The following CREB5 variants were observed in gnomAD, a reference collection of about 807,000 sequenced individuals.
The protein encoded by CREB5 is cyclic AMP-responsive element-binding protein 5.
CREB5 carries 19 observed loss-of-function variants against 57.1 expected under a neutral mutation model. The observed-to-expected ratio is 0.33, with a 90% CI of 0.23 to 0.49. CREB5 has a LOEUF of 0.49. CREB5 is among the 20% of genes least tolerant of loss of function. The pLI is 0.99. For missense variants in CREB5, 579 were observed against 671.6 expected (o/e 0.86, Z 1.52); for synonymous variants, 238 against 238.3 (o/e 1.00, Z 0.01).
intron 5 of CREB5, among the ~76,000 whole-genome samples, chr7:28,612,182 T>C (rs1290769776): frequency 6.6e-6 from 1 of 152,154 alleles, no homozygotes; most frequent in Non-Finnish European, 1.5e-5. Context: ...CCTAGCTTCA[T>C]GCTGACTCAC....
chr7:28,750,848 A>G (rs1219172372), intron 7 of CREB5, among the ~76,000 whole-genome samples: 4 of 152,166 alleles, frequency 2.6e-5, no homozygotes, highest in Non-Finnish European at 4.4e-5. Flanking sequence ...ATGAAATCTA[A>G]TATTTTTGGA....
At chr7:28,725,763 G>A (rs1803305475) in intron 7 of CREB5, among the ~76,000 whole-genome samples, 1 of 151,992 alleles carries the variant, frequency 6.6e-6, no homozygotes, top group South Asian at 2.1e-4. Flanking sequence ...TAAATACTCA[G>A]GGTCTGTGTC....
intron 1 of CREB5, among the ~76,000 whole-genome samples, chr7:28,308,646 C>T (rs888462793): frequency 6.6e-6 from 1 of 152,164 alleles, no homozygotes. Flanking sequence ...AAAAAGCTGC[C>T]TGTCTTATGC....
intron 4 of CREB5, among the ~76,000 whole-genome samples, chr7:28,539,739 C>T (rs1794127332): frequency 6.6e-6 from 1 of 152,196 alleles, no homozygotes; most frequent in South Asian, 2.1e-4. Flanking sequence ...GGCACAGTCC[C>T]TGAGGGCTGA....
intron 5 of CREB5, among the ~76,000 whole-genome samples, chr7:28,695,868 A>G (rs1801532374): frequency 6.6e-6 from 1 of 152,162 alleles, no homozygotes; most frequent in Non-Finnish European, 1.5e-5. Context: ...AAACAGCCCC[A>G]CTTTGCACTT....
chr7:28,604,856 T>C (rs1797050556), intron 5 of CREB5, among the ~76,000 whole-genome samples: 1 of 152,056 alleles, frequency 6.6e-6, no homozygotes, highest in Non-Finnish European at 1.5e-5. Context: ...TTAAACTAAG[T>C]TTTTCCTTTG....
intron 4 of CREB5, among the ~76,000 whole-genome samples, chr7:28,516,223 AAAAGT>A (rs1202554536): frequency 6.6e-6 from 1 of 152,002 alleles, no homozygotes; most frequent in Non-Finnish European, 1.5e-5. Flanking sequence ...TTTTTAAAAA[AAAAGT>A]AAAGAAAACA....
intron 1 of CREB5, among the ~76,000 whole-genome samples, chr7:28,316,118 A>G (rs534604940): frequency 6.6e-6 from 1 of 152,318 alleles, no homozygotes; most frequent in East Asian, 1.9e-4. Context: ...GGCGGGTGGG[A>G]TGCCATTGCG....
chr7:28,751,296 A>G (rs779405499), intron 7 of CREB5, among the ~76,000 whole-genome samples: 40 of 152,190 alleles, frequency 2.6e-4, no homozygotes, highest in Non-Finnish European at 3.8e-4. Context: ...AGAAGGCCAC[A>G]GCTCTGCTGG....
rs553853328 is a variant in CREB5 at position 28,423,059 on chromosome 7, T to C, written c.3+10142T>C. ...CTAAAGTAAGTGCCAGACATATAAC[T>C]GGAATTCAGGTATCCTTCCCTCCCT... On this transcript the variant is annotated intron_variant, in intron 1 of 10. Transcript: ENST00000357727. 1.4e-4 allele frequency among the ~76,000 whole-genome samples: 21 copies of C among 152,300 alleles called. No individual in the cohort carries two copies. In the South Asian group the frequency reaches 4.4e-3, roughly 32 times the overall value.
At chr7:28,637,787 T>C (rs539636953) in intron 5 of CREB5, among the ~76,000 whole-genome samples, 5 of 152,378 alleles carry the variant, frequency 3.3e-5, no homozygotes, top group African/African-American at 7.2e-5. Context: ...TAAGAACTTA[T>C]GTTTAAACAT....
At chr7:28,326,871 G>A (rs770904899) in intron 1 of CREB5, among the ~76,000 whole-genome samples, 12 of 152,084 alleles carry the variant, frequency 7.9e-5, no homozygotes, top group Non-Finnish European at 1.2e-4. Flanking sequence ...GGCTGGGTGC[G>A]GTGGCTCATG....
intron 5 of CREB5, among the ~76,000 whole-genome samples, chr7:28,622,044 G>A (rs1797814565): frequency 6.6e-6 from 1 of 152,110 alleles, no homozygotes; most frequent in Admixed American, 6.6e-5. Flanking sequence ...CTTATTACCA[G>A]GGTGGAGGTC....
chr7:28,392,187 T>A (rs1227912576), intron 1 of CREB5, among the ~76,000 whole-genome samples: 1 of 152,106 alleles, frequency 6.6e-6, no homozygotes, highest in East Asian at 1.9e-4. Context: ...GGCTTAGTAT[T>A]TGGGTGATGA....
chr7:28,560,996 C>CGTGTGTGCGCG lies in CREB5; in HGVS notation c.292-9369_292-9368insGTGTGTGCGCG, dbSNP rs1562798364. ...TGCGTGTGTGCGTGCGTGTGTGTGCCTGCGTGTGCGTGTGTGTGTGCGTGT... is the reference window on the plus strand; with the variant it reads ...TGCGTGTGTGCGTGCGTGTGTGTGCCGTGTGTGCGCGTGCGTGTGCGTGTGTGTGTGCGTGT... On this transcript the variant is annotated intron_variant, in intron 4 of 10. Transcript: ENST00000357727. Among the ~76,000 whole-genome samples the CGTGTGTGCGCG allele has an allele frequency of 5.2e-4, 22 of 42,338 alleles. No homozygotes were observed. The East Asian group carries it at 5.4e-3, about 10-fold the overall frequency. 27.8% of individuals were successfully genotyped at this position (42,338 alleles called of 152,430 possible). A position where few individuals can be genotyped will look rare whatever the true frequency, so the allele number is the denominator to read the frequency against.
chr7:28,583,037 C>G (rs1183841679), intron 5 of CREB5, among the ~76,000 whole-genome samples: 1 of 152,026 alleles, frequency 6.6e-6, no homozygotes, highest in African/African-American at 2.4e-5. Flanking sequence ...CAGAGCCTGC[C>G]CAGGGGCTGC....
chr7:28,531,593 T>C (rs897797305), intron 4 of CREB5, among the ~76,000 whole-genome samples: 11 of 152,206 alleles, frequency 7.2e-5, no homozygotes, highest in Non-Finnish European at 1.6e-4. Context: ...TCTGAGGTCC[T>C]GGGGATTAGA....
At chr7:28,521,716 C>T (rs1334238584) in intron 4 of CREB5, among the ~76,000 whole-genome samples, 1 of 152,192 alleles carries the variant, frequency 6.6e-6, no homozygotes, top group African/African-American at 2.4e-5. Context: ...CTTCAAACCA[C>T]TTCCATGGTA....
At chr7:28,472,511 G>C (rs1376669926) in intron 1 of CREB5, among the ~76,000 whole-genome samples, 1 of 152,162 alleles carries the variant, frequency 6.6e-6, no homozygotes, top group East Asian at 1.9e-4. Context: ...GCCGGTGGTG[G>C]CTATGTCACA....
Sources: allele counts gnomAD v4.1 joint callset (sites outside exome capture counted in the v4.1 genomes callset), GRCh38; gene constraint gnomAD v4.1.1; transcripts MANE v1.5; gene names NCBI Gene and HGNC (gene_info 2026-07-23, HGNC 2026-07-21).